The following LRP1B variants were observed in gnomAD, a reference collection of about 807,000 sequenced individuals.
The protein encoded by LRP1B is low-density lipoprotein receptor-related protein 1B.
In LRP1B, 217 loss-of-function variants were observed where a neutral mutation model predicts 556.6. That is an observed-to-expected ratio of 0.39 (90% confidence interval 0.35 to 0.44). The LOEUF is 0.44. Ranked by LOEUF, LRP1B falls within the 20% of genes least tolerant of loss-of-function variation. The pLI, the probability that LRP1B is intolerant of heterozygous loss-of-function variation, is 1.00. For missense variants in LRP1B, 5,053 were observed against 5,620.8 expected, an observed-to-expected ratio of 0.90 and a Z score of 3.23; for synonymous variants, 2,047 against 1,865.8, an observed-to-expected ratio of 1.10 and a Z score of -2.50.
chr2:140,304,774 T>C (rs1683993007), intron 83 of LRP1B, among the ~76,000 whole-genome samples: 1 of 152,156 alleles, frequency 6.6e-6, no homozygotes, highest in Admixed American at 6.6e-5. Context: ...TCTTCTAGGG[T>C]TTTTATGGTT....
At chr2:140,882,771 T>TCGC (rs1299100056) in intron 25 of LRP1B, among the ~76,000 whole-genome samples, 1 of 152,140 alleles carries the variant, frequency 6.6e-6, no homozygotes, top group East Asian at 1.9e-4. Flanking sequence ...GACTTAGACA[T>TCGC]CGCCTGGCTT....
At chr2:141,591,246 C>T (rs1441525125) in intron 2 of LRP1B, among the ~76,000 whole-genome samples, 2 of 152,112 alleles carry the variant, frequency 1.3e-5, no homozygotes, top group Non-Finnish European at 1.5e-5. Flanking sequence ...TCCCCATGTC[C>T]CTAAGAACAG....
chr2:141,455,595 T>A lies in LRP1B; in HGVS notation c.343+24801A>T, dbSNP rs577723118. Reference sequence around the variant, plus strand: ...AGGGGTAGGAGCAAGTGTTCTCCCATCAAGAAATCTAAATAGACCCCACTG... The same window carrying A: ...AGGGGTAGGAGCAAGTGTTCTCCCAACAAGAAATCTAAATAGACCCCACTG... On this transcript the variant is annotated intron_variant, in intron 3 of 90. Coordinates refer to ENST00000389484, the MANE Select transcript of LRP1B (RefSeq NM_018557.3). 2.6e-3 allele frequency among the ~76,000 whole-genome samples: 402 copies of A among 152,152 alleles called. 1 individual carries two copies. Among genetic ancestry groups the A allele is most frequent in the Non-Finnish European group, 4.7e-3 (317 of 67,982 alleles).
chr2:141,196,804 C>T (rs1681771620), intron 6 of LRP1B, among the ~76,000 whole-genome samples: 1 of 152,088 alleles, frequency 6.6e-6, no homozygotes, highest in African/African-American at 2.4e-5. Context: ...ACTCCTTCGC[C>T]ATGGTTTGGG....
At chr2:141,782,301 T>C (rs1695279957) in intron 2 of LRP1B, among the ~76,000 whole-genome samples, 1 of 152,084 alleles carries the variant, frequency 6.6e-6, no homozygotes, top group Non-Finnish European at 1.5e-5. Flanking sequence ...CTGAATTCTC[T>C]CATCTTCTAA....
intron 1 of LRP1B, among the ~76,000 whole-genome samples, chr2:142,000,978 G>A (rs1702634050): frequency 6.6e-6 from 1 of 152,038 alleles, no homozygotes; most frequent in African/African-American, 2.4e-5. Flanking sequence ...TGAATCACAG[G>A]GGTGGTTTCC....
intron 1 of LRP1B, among the ~76,000 whole-genome samples, chr2:141,968,752 C>T (rs911895422): frequency 6.6e-6 from 1 of 151,636 alleles, no homozygotes; most frequent in African/African-American, 2.4e-5. Flanking sequence ...TATACATGTG[C>T]CCCCTTGCTC....
At chr2:140,365,318 T>C (rs907658092) in intron 71 of LRP1B, among the ~76,000 whole-genome samples, 2 of 151,670 alleles carry the variant, frequency 1.3e-5, no homozygotes, top group Non-Finnish European at 3.0e-5. Context: ...ATACCATATT[T>C]CAGGGTTCTT....
chr2:141,192,620 T>TG (rs1681567347), intron 6 of LRP1B, among the ~76,000 whole-genome samples: 1 of 151,896 alleles, frequency 6.6e-6, no homozygotes, highest in Non-Finnish European at 1.5e-5. Context: ...AAAAGTCACC[T>TG]GGATTTTGCT....
In LRP1B at chr2:140,640,723, C is replaced by T. The variant is rs374665193; in HGVS notation, c.6800-39084G>A. 3.7e-4 allele frequency among the ~76,000 whole-genome samples: 57 copies of T among 152,160 alleles called. 1 individual carries two copies. In the South Asian group the frequency reaches 0.012, roughly 31 times the overall value. On this transcript the variant is annotated intron_variant, in intron 41 of 90. Coordinates refer to ENST00000389484, the MANE Select transcript of LRP1B (RefSeq NM_018557.3). Reference sequence around the variant, plus strand: ...CTTTTGCTTCAAAAAAACCTATAACCATCTGATTAATATATTTAATTCAAT... The same window carrying T: ...CTTTTGCTTCAAAAAAACCTATAACTATCTGATTAATATATTTAATTCAAT...
intron 2 of LRP1B, among the ~76,000 whole-genome samples, chr2:141,660,359 G>C (rs535244699): frequency 7.2e-5 from 11 of 152,166 alleles, no homozygotes; most frequent in Admixed American, 1.3e-4. Context: ...CTAGGACCTT[G>C]GGTTCCAAGC....
chr2:141,221,699 C>T (rs550986981), intron 6 of LRP1B, among the ~76,000 whole-genome samples: 1 of 152,074 alleles, frequency 6.6e-6, no homozygotes, highest in Non-Finnish European at 1.5e-5. Flanking sequence ...TCAACTAATA[C>T]AAAATAACTG....
At chr2:141,193,782 AAAAT>A (rs1376545283) in intron 6 of LRP1B, among the ~76,000 whole-genome samples, 1 of 152,132 alleles carries the variant, frequency 6.6e-6, no homozygotes, top group Non-Finnish European at 1.5e-5. Context: ...CTTAAAAAAA[AAAAT>A]AAAAATAAAA....
chr2:140,760,623 C>T (rs1157669312), intron 35 of LRP1B, among the ~76,000 whole-genome samples: 5 of 152,294 alleles, frequency 3.3e-5, no homozygotes, highest in South Asian at 2.1e-4. Flanking sequence ...CAGTGGCTCA[C>T]GCCTGTAATT....
chr2:141,081,061 GAGCTCA>G (rs1699910040), intron 7 of LRP1B, among the ~76,000 whole-genome samples: 1 of 152,240 alleles, frequency 6.6e-6, no homozygotes, highest in East Asian at 1.9e-4. Context: ...GTGAACTCTG[GAGCTCA>G]AGCACTCCTC....
intron 35 of LRP1B, among the ~76,000 whole-genome samples, chr2:140,748,708 A>G (rs1688440999): frequency 7.7e-6 from 1 of 129,904 alleles, no homozygotes; most frequent in Non-Finnish European, 1.6e-5. Flanking sequence ...TCCTATGTAT[A>G]TATATATATC....
chr2:141,616,301 AG>A (rs1437777758), intron 2 of LRP1B, among the ~76,000 whole-genome samples: 1 of 149,248 alleles, frequency 6.7e-6, no homozygotes, highest in Non-Finnish European at 1.5e-5. Flanking sequence ...AAAAAAAAAA[AG>A]AAAAAAAAGC....
At chr2:141,122,474 ATGCAGCC>A (rs1490064363) in intron 7 of LRP1B, among the ~76,000 whole-genome samples, 1 of 151,942 alleles carries the variant, frequency 6.6e-6, no homozygotes, top group African/African-American at 2.4e-5. Context: ...GAAGACATTT[ATGCAGCC>A]AACAGACACA....
chr2:142,108,978 A>G (rs1049572471), intron 1 of LRP1B, among the ~76,000 whole-genome samples: 2 of 152,184 alleles, frequency 1.3e-5, no homozygotes, highest in African/African-American at 4.8e-5. Flanking sequence ...ATTTTGCCCA[A>G]CTGACGTCAG....
Sources: gnomAD v4.1 joint callset for allele counts (sites outside exome capture counted in the v4.1 genomes callset) on GRCh38, gnomAD v4.1.1 for gene constraint, MANE v1.5 for transcripts, NCBI Gene and HGNC (gene_info 2026-07-23, HGNC 2026-07-21) for gene names.